The following FREM3 variants were observed in gnomAD, a reference collection of about 807,000 sequenced individuals.
FREM3 encodes the protein FRAS1 related extracellular matrix 3, also known as FRAS1-related extracellular matrix protein 3.
Under a neutral mutation model 129.1 loss-of-function variants are expected in FREM3, and 105 were observed. That is an observed-to-expected ratio of 0.81 (90% CI 0.69 to 0.96). The LOEUF is 0.96. Among genes scored for constraint, FREM3 ranks in the 40% least tolerant of loss-of-function variants. The pLI is 0.00. For synonymous variants in FREM3, 1,014 were observed against 1,044.9 expected, an observed-to-expected ratio of 0.97 and a Z score of 0.57; for missense variants, 2,593 against 2,666.3, an observed-to-expected ratio of 0.97 and a Z score of 0.61.
chr4:143,698,401 C>G lies in FREM3; in HGVS notation c.2275G>C (p.Ala759Pro). ...TDTDGNHQVRAGEIVLTDSPD... is the reference protein window; with the variant it reads ...TDTDGNHQVRPGEIVLTDSPD... ...GAATCAGTGAGCACAATTTCTCCAG[C>G]CCGGACTTGGTGGTTGCCATCTGTG... is the stretch of plus-strand genomic sequence containing the variant. The change falls in exon 1 of 8, where the codon GCT becomes CCT. Residue 759 changes from alanine (A) to proline (P), a missense_variant. Around this residue, in one of 2 missense-constraint regions of FREM3, gnomAD observed 2,276 missense variants for 2,267.2 expected, o/e 1.00. Coordinates refer to ENST00000329798, the MANE Select transcript of FREM3 (RefSeq NM_001168235.2). 1 of 1,537,836 alleles carries G rather than the reference C, an allele frequency of 6.5e-7. No individual in the cohort carries two copies. Among genetic ancestry groups the G allele is most frequent in the South Asian group, 1.2e-5 (1 of 84,042 alleles).
At chr4:143,691,602 A>T (rs540896852) in intron 2 of FREM3, among the ~76,000 whole-genome samples, 2 of 152,214 alleles carry the variant, frequency 1.3e-5, no homozygotes, top group Non-Finnish European at 2.9e-5. Context: ...GTATGACTTC[A>T]GGCAAGTTAT....
intron 6 of FREM3, among the ~76,000 whole-genome samples, chr4:143,602,666 A>G (rs1738593167): frequency 6.6e-6 from 1 of 152,090 alleles, no homozygotes; most frequent in African/African-American, 2.4e-5. Flanking sequence ...GTTTTAGGGC[A>G]CTCAGTAGAG....
In FREM3 at chr4:143,699,438, C is replaced by T; in HGVS notation, c.1238G>A (p.Gly413Asp). 1 of 1,537,298 alleles carries T rather than the reference C, an allele frequency of 6.5e-7. No individual in the cohort carries two copies. Among genetic ancestry groups the T allele is most frequent in the Non-Finnish European group, 8.7e-7 (1 of 1,146,930 alleles). ...GAAGGCAAAGGGGTCTGAGGCGGCGCCGTCTCCGTCCACCACCTCCAGCTC... is the reference window on the plus strand; with the variant it reads ...GAAGGCAAAGGGGTCTGAGGCGGCGTCGTCTCCGTCCACCACCTCCAGCTC... ...QLELEVVDGD[G>D]AASDPFAFMV... The change falls in exon 1 of 8, where the codon GGC becomes GAC. Residue 413 changes from glycine (G) to aspartate (D), a missense_variant. By Grantham distance (94) the Gly-to-Asp change is moderately conservative (BLOSUM62 -1). Transcript: ENST00000329798. This position sits in a 1 kb window ranked among gnomAD's most constrained non-coding sequence, Gnocchi z 4.2.
chr4:143,586,375 C>T (rs1437036367), intron 6 of FREM3, among the ~76,000 whole-genome samples: 1 of 151,920 alleles, frequency 6.6e-6, no homozygotes, highest in African/African-American at 2.4e-5. Context: ...CTTTTTTTGG[C>T]AGGGAGAAAA....
intron 6 of FREM3, among the ~76,000 whole-genome samples, chr4:143,593,409 T>G (rs985063494): frequency 6.7e-6 from 1 of 150,000 alleles, no homozygotes; most frequent in Non-Finnish European, 1.5e-5. Flanking sequence ...ACAGATGGGT[T>G]TTTGGTGTGG....
rs542081875 is a variant in FREM3 at position 143,601,079 on chromosome 4, A to C, written c.6028+10200T>G. On this transcript the variant is annotated intron_variant, in intron 6 of 7. Coordinates refer to ENST00000329798, the MANE Select transcript of FREM3 (RefSeq NM_001168235.2). ...TTGTGATACTTTTAAAGCTTACAGC[A>C]CTTGTTTTATAATATGACTAGCCCT... 2.5e-4 allele frequency among the ~76,000 whole-genome samples: 38 copies of C among 149,422 alleles called. 1 individual carries two copies. Among genetic ancestry groups the C allele is most frequent in the Admixed American group, 1.6e-3 (24 of 15,228 alleles).
intron 5 of FREM3, among the ~76,000 whole-genome samples, chr4:143,616,117 A>T (rs1328930607): frequency 6.6e-6 from 1 of 152,250 alleles, no homozygotes; most frequent in Non-Finnish European, 1.5e-5. Flanking sequence ...CTCTACAAAG[A>T]CAACTTTTAG....
Position 143,656,663 on chromosome 4 carries a change from G to C in FREM3, c.5276-28903C>G, listed in dbSNP as rs547794520. Reference sequence around the variant, plus strand: ...TTGCTAAGGCCGAGAGTAGGGAGAGGGGTGGCGGAAATGGAAATGACTGTA... The same window carrying C: ...TTGCTAAGGCCGAGAGTAGGGAGAGCGGTGGCGGAAATGGAAATGACTGTA... On this transcript the variant is annotated intron_variant, in intron 2 of 7. Coordinates refer to ENST00000329798, the MANE Select transcript of FREM3 (RefSeq NM_001168235.2). Among the ~76,000 whole-genome samples the C allele has an allele frequency of 2.6e-5, 4 of 152,216 alleles. No homozygotes were observed. In the South Asian group the frequency reaches 8.3e-4, roughly 32 times the overall value.
chr4:143,635,822 G>A lies in FREM3; in HGVS notation c.5276-8062C>T, dbSNP rs370271979. Among the ~76,000 whole-genome samples, 8 of 152,284 alleles carry A rather than the reference G, an allele frequency of 5.3e-5. 2 individuals are homozygous for A. The highest frequency in any genetic ancestry group is 3.9e-4 in the East Asian group (2 of 5,174). The stretch of plus-strand genomic sequence containing the variant: ...ATCATAATATAAAACTGTTTTCCAT[G>A]TGAGAAAATCAGAGTTTACAAGTCA... On this transcript the variant is annotated intron_variant, in intron 2 of 7. Coordinates refer to ENST00000329798, the MANE Select transcript of FREM3 (RefSeq NM_001168235.2).
intron 4 of FREM3, among the ~76,000 whole-genome samples, chr4:143,623,498 C>T (rs529050513): frequency 2.4e-5 from 3 of 127,510 alleles, no homozygotes; most frequent in South Asian, 3.2e-4. Flanking sequence ...ACTAATCCCC[C>T]CCCCCCCCCA....
At chr4:143,611,142 C>T in intron 6 of FREM3, 137 bp downstream of exon 6, 1 of 912,086 alleles carries the variant, frequency 1.1e-6, no homozygotes, top group Non-Finnish European at 1.6e-6. Flanking sequence ...TGAAGAGCTA[C>T]TCACAGTTTT....
intron 2 of FREM3, among the ~76,000 whole-genome samples, chr4:143,655,304 A>G (rs1376805397): frequency 6.6e-6 from 1 of 152,210 alleles, no homozygotes; most frequent in Non-Finnish European, 1.5e-5. Flanking sequence ...TGCCTAAGTA[A>G]TCACAGAAAA....
At chr4:143,590,354 G>A (rs1210594761) in intron 6 of FREM3, among the ~76,000 whole-genome samples, 2 of 152,190 alleles carry the variant, frequency 1.3e-5, no homozygotes, top group African/African-American at 4.8e-5. Flanking sequence ...TGCCCATTCA[G>A]TATGATATTG....
At chr4:143,633,926 G>A (rs1739186540) in intron 2 of FREM3, among the ~76,000 whole-genome samples, 1 of 152,092 alleles carries the variant, frequency 6.6e-6, no homozygotes, top group Admixed American at 6.6e-5. Context: ...CAGTGGAAAG[G>A]GAAAAGATGG....
intron 2 of FREM3, among the ~76,000 whole-genome samples, chr4:143,639,899 T>C (rs1739294434): frequency 6.6e-6 from 1 of 152,090 alleles, no homozygotes; most frequent in South Asian, 2.1e-4. Context: ...TTTCTTGAGG[T>C]CACAGTGCTA....
intron 6 of FREM3, among the ~76,000 whole-genome samples, chr4:143,590,887 A>T (rs1738348132): frequency 6.6e-6 from 1 of 152,072 alleles, no homozygotes; most frequent in South Asian, 2.1e-4. Flanking sequence ...TTTGGTTGGT[A>T]AGCTATTAAT....
At chr4:143,618,364 C>T (rs1353077007) in intron 5 of FREM3, among the ~76,000 whole-genome samples, 1 of 151,992 alleles carries the variant, frequency 6.6e-6, no homozygotes, top group Admixed American at 6.6e-5. Context: ...ACCCCGAGAT[C>T]CCCACATAAG....
chr4:143,686,638 T>C (rs937914058), intron 2 of FREM3, among the ~76,000 whole-genome samples: 10 of 152,218 alleles, frequency 6.6e-5, no homozygotes, highest in African/African-American at 2.4e-4. Context: ...TTTCAGACCA[T>C]AGTAGAATAA....
Position 143,588,404 on chromosome 4 carries a change from C to A in FREM3, c.6029-2411G>T, listed in dbSNP as rs1416915758. On this transcript the variant is annotated intron_variant, in intron 6 of 7. Coordinates refer to ENST00000329798, the MANE Select transcript of FREM3 (RefSeq NM_001168235.2). Reference sequence around the variant, plus strand: ...GCTATCCCTCCCCCATCCCCCCACCCCACAACAGGCCCCAGTGTGTGATGT... The same window carrying A: ...GCTATCCCTCCCCCATCCCCCCACCACACAACAGGCCCCAGTGTGTGATGT... Among the ~76,000 whole-genome samples the A allele has an allele frequency of 2.6e-5, 4 of 151,664 alleles. No homozygotes were observed. In the East Asian group the frequency reaches 7.8e-4, roughly 29 times the overall value.
Sources: gnomAD v4.1 joint callset for allele counts (sites outside exome capture counted in the v4.1 genomes callset) on GRCh38, gnomAD v4.1.1 for gene constraint, gnomAD v4.1.1 regional missense constraint, Gnocchi (gnomAD v3.1) non-coding constraint, MANE v1.5 for transcripts, NCBI Gene and HGNC (gene_info 2026-07-23, HGNC 2026-07-21) for gene names.